CNTN5: variants seen among roughly 807,000 people sequenced by gnomAD.
CNTN5 encodes the protein contactin 5.
A neutral mutation model predicts 129.1 loss-of-function variants in CNTN5; 77 were observed. The observed-to-expected ratio is 0.60, with a 90% CI of 0.50 to 0.72. The LOEUF (loss-of-function observed/expected upper bound fraction) is 0.72, where lower values mean the gene tolerates loss of function less well. Among genes scored for constraint, CNTN5 ranks in the 30% least tolerant of loss-of-function variants. CNTN5 has a pLI of 0.00. For synonymous variants in CNTN5, 509 were observed against 465.6 expected, an observed-to-expected ratio of 1.09 and a Z score of -1.20; for missense variants, 1,478 against 1,328.8, an observed-to-expected ratio of 1.11 and a Z score of -1.75.
intron 2 of CNTN5, among the ~76,000 whole-genome samples, chr11:99,345,116 G>A (rs1370437235): frequency 6.6e-6 from 1 of 152,010 alleles, no homozygotes; most frequent in Non-Finnish European, 1.5e-5. Context: ...ACTCAAAAGG[G>A]AAATTTAGGA....
At chr11:99,197,631 C>T (rs1347234676) in intron 1 of CNTN5, among the ~76,000 whole-genome samples, 1 of 152,044 alleles carries the variant, frequency 6.6e-6, no homozygotes, top group Non-Finnish European at 1.5e-5. Flanking sequence ...CACAGTTTTA[C>T]AGCTTCACAG....
rs868720544 is a variant in CNTN5, at chr11:100,052,358, G to A, written c.981-8854G>A. On this transcript the variant is annotated intron_variant, in intron 9 of 24. Transcript: ENST00000524871. ...CGGGAGACCTGGACAGTATAGTCAG[G>A]CATTAAAAATAATAATTATGGCTTT... is the stretch of plus-strand genomic sequence containing the variant. 4.6e-5 allele frequency among the ~76,000 whole-genome samples: 7 copies of A among 151,760 alleles called. No homozygotes were observed. In the South Asian group the frequency reaches 1.5e-3, roughly 31 times the overall value.
chr11:99,890,748 G>A (rs761067915), intron 6 of CNTN5, among the ~76,000 whole-genome samples: 4 of 151,996 alleles, frequency 2.6e-5, no homozygotes, highest in East Asian at 3.9e-4. Flanking sequence ...GAATCAGCAC[G>A]GAAAAAGGGA....
intron 6 of CNTN5, among the ~76,000 whole-genome samples, chr11:99,848,199 G>A (rs541236511): frequency 1.3e-5 from 2 of 152,262 alleles, no homozygotes; most frequent in South Asian, 4.1e-4. Context: ...GACAAAGCGA[G>A]ACTCCTTCTC....
chr11:100,000,670 A>C (rs1939802748), intron 8 of CNTN5, among the ~76,000 whole-genome samples: 1 of 152,180 alleles, frequency 6.6e-6, no homozygotes, highest in Non-Finnish European at 1.5e-5. Context: ...CAACCCCGCC[A>C]TTCCCCTCTG....
intron 3 of CNTN5, among the ~76,000 whole-genome samples, chr11:99,799,905 T>C (rs1946061672): frequency 6.6e-6 from 1 of 152,116 alleles, no homozygotes; most frequent in African/African-American, 2.4e-5. Flanking sequence ...GGTTTGCTAT[T>C]ACTAATTCCA....
At chr11:99,714,049 CT>C (rs1360543387) in intron 3 of CNTN5, among the ~76,000 whole-genome samples, 2 of 151,712 alleles carry the variant, frequency 1.3e-5, no homozygotes, top group Non-Finnish European at 2.9e-5. Flanking sequence ...GGACTTGTTT[CT>C]TTTTATTCAT....
At chr11:99,423,527 TACTA>T (rs1248700227) in intron 2 of CNTN5, among the ~76,000 whole-genome samples, 1 of 152,228 alleles carries the variant, frequency 6.6e-6, no homozygotes, top group Non-Finnish European at 1.5e-5. Flanking sequence ...AAGGTAAACT[TACTA>T]ACAAAATGGG....
At chr11:99,875,570 G>A (rs931591352) in intron 6 of CNTN5, among the ~76,000 whole-genome samples, 6 of 152,034 alleles carry the variant, frequency 3.9e-5, no homozygotes, top group Non-Finnish European at 5.9e-5. Context: ...TGTGTGCACT[G>A]TATTCTTTTA....
intron 8 of CNTN5, among the ~76,000 whole-genome samples, chr11:99,962,410 T>C (rs1950973913): frequency 6.6e-6 from 1 of 151,378 alleles, no homozygotes; most frequent in Non-Finnish European, 1.5e-5. Context: ...ATGCAGTGTT[T>C]GGTTTTTTGT....
intron 7 of CNTN5, among the ~76,000 whole-genome samples, chr11:99,950,446 A>G (rs1049642102): frequency 6.6e-6 from 1 of 152,210 alleles, no homozygotes; most frequent in Admixed American, 6.5e-5. Context: ...GTGCTACTGC[A>G]CTCCAGCCTG....
At chr11:99,454,930 G>A (rs1351655527) in intron 2 of CNTN5, among the ~76,000 whole-genome samples, 1 of 152,076 alleles carries the variant, frequency 6.6e-6, no homozygotes, top group African/African-American at 2.4e-5. Flanking sequence ...ACACAGAAGA[G>A]TAGTAAGCAT....
At chr11:99,659,718 G>A (rs996391066) in intron 3 of CNTN5, among the ~76,000 whole-genome samples, 3 of 152,102 alleles carry the variant, frequency 2.0e-5, no homozygotes, top group African/African-American at 7.2e-5. Flanking sequence ...TAGACTGGAG[G>A]AGACCCACCC....
intron 3 of CNTN5, among the ~76,000 whole-genome samples, chr11:99,769,829 A>C (rs990553760): frequency 1.3e-4 from 20 of 151,842 alleles, no homozygotes; most frequent in Non-Finnish European, 2.4e-4. Flanking sequence ...AAAAAAAAAA[A>C]CAATCTGATT....
rs141787536 is a variant in CNTN5 at position 100,066,465 on chromosome 11, C to T, written c.1163-3959C>T. On this transcript the variant is annotated intron_variant, in intron 10 of 24. Transcript: ENST00000524871. Reference sequence around the variant, plus strand: ...TAGAGAGTTACAGAATTTCTAATGACAAGAGATAATAAGCAAGAGTTTTCT... The same window carrying T: ...TAGAGAGTTACAGAATTTCTAATGATAAGAGATAATAAGCAAGAGTTTTCT... Among the ~76,000 whole-genome samples, 1,084 of 152,166 alleles carry T rather than the reference C, an allele frequency of 7.1e-3. 47 individuals are homozygous for T. The highest frequency in any genetic ancestry group is 0.061 in the Admixed American group (930 of 15,252).
intron 4 of CNTN5, among the ~76,000 whole-genome samples, chr11:99,841,627 TCAG>T (rs1263699249): frequency 6.7e-6 from 1 of 149,940 alleles, no homozygotes; most frequent in Non-Finnish European, 1.5e-5. Context: ...AGAAGCAGCA[TCAG>T]CAGAAGAGGA....
intron 2 of CNTN5, among the ~76,000 whole-genome samples, chr11:99,471,798 A>G (rs1945186813): frequency 1.3e-5 from 2 of 152,106 alleles, no homozygotes; most frequent in East Asian, 3.9e-4. Context: ...ACCACTCTGT[A>G]ATTATGCTTC....
intron 12 of CNTN5, 41 bp downstream of exon 12, chr11:100,071,875 T>A: frequency 1.3e-6 from 2 of 1,519,470 alleles, no homozygotes; most frequent in East Asian, 4.6e-5. Flanking sequence ...AAAAAAACCT[T>A]GCTTCTTTTC....
At chr11:99,268,391 T>C (rs1863008745) in intron 1 of CNTN5, among the ~76,000 whole-genome samples, 1 of 151,698 alleles carries the variant, frequency 6.6e-6, no homozygotes, top group Admixed American at 6.6e-5. Context: ...TTTAATAAAA[T>C]TGAAAATTAT....
Sources: allele counts gnomAD v4.1 joint callset (sites outside exome capture counted in the v4.1 genomes callset), GRCh38; gene constraint gnomAD v4.1.1; transcripts MANE v1.5; gene names NCBI Gene and HGNC (gene_info 2026-07-23, HGNC 2026-07-21).